NEDD4: variants seen among roughly 807,000 people sequenced by gnomAD.
NEDD4 encodes the protein E3 ubiquitin-protein ligase NEDD4.
A neutral mutation model predicts 144.9 loss-of-function variants in NEDD4; 99 were observed. That is an observed-to-expected ratio of 0.68 (90% CI 0.58 to 0.81). The LOEUF is 0.81. Among genes scored for constraint, NEDD4 ranks in the 30% least tolerant of loss-of-function variants. NEDD4 has a pLI of 0.00. For missense variants in NEDD4, 985 were observed against 1,065.9 expected (o/e 0.92, Z 1.06); for synonymous variants, 318 against 350.6 (o/e 0.91, Z 1.04).
At chr15:55,870,091 A>C (rs2034729029) in intron 7 of NEDD4, among the ~76,000 whole-genome samples, 1 of 152,110 alleles carries the variant, frequency 6.6e-6, no homozygotes, top group South Asian at 2.1e-4. Flanking sequence ...AATTAAGGAA[A>C]TTGCAGTAGT....
chr15:55,976,404 T>A (rs532680662), intron 1 of NEDD4, among the ~76,000 whole-genome samples: 1 of 152,210 alleles, frequency 6.6e-6, no homozygotes, highest in East Asian at 1.9e-4. Flanking sequence ...GATATTAAAA[T>A]GGGCAAAAGA....
chr15:55,971,433 T>C (rs7498073), intron 1 of NEDD4, among the ~76,000 whole-genome samples: 22,517 of 151,926 alleles, frequency 0.15, 1,805 homozygotes, highest in East Asian at 0.32. Flanking sequence ...GAGACTAGTC[T>C]GTCCAACATG....
At chr15:55,899,350 T>A (rs2035838572) in intron 5 of NEDD4, among the ~76,000 whole-genome samples, 1 of 152,240 alleles carries the variant, frequency 6.6e-6, no homozygotes, top group Admixed American at 6.5e-5. Flanking sequence ...TACAATTTGA[T>A]TACCTGGTTA....
intron 1 of NEDD4, among the ~76,000 whole-genome samples, chr15:55,983,966 G>A (rs1285940955): frequency 6.6e-6 from 1 of 152,046 alleles, no homozygotes; most frequent in Non-Finnish European, 1.5e-5. Context: ...ATAAAATATT[G>A]ATGTGTGATA....
intron 12 of NEDD4, among the ~76,000 whole-genome samples, chr15:55,852,951 T>G (rs1486466118): frequency 6.6e-6 from 1 of 151,986 alleles, no homozygotes; most frequent in East Asian, 1.9e-4. Context: ...GGTTTCACCA[T>G]ATTGGCCAGG....
intron 24 of NEDD4, among the ~76,000 whole-genome samples, chr15:55,835,428 T>G (rs2033149952): frequency 7.5e-6 from 1 of 133,982 alleles, no homozygotes; most frequent in South Asian, 2.8e-4. Flanking sequence ...CTGTTTTTTT[T>G]TTTTTTTTTT....
At chr15:55,920,702 T>G (rs2036552798) in intron 5 of NEDD4, among the ~76,000 whole-genome samples, 1 of 152,232 alleles carries the variant, frequency 6.6e-6, no homozygotes, top group African/African-American at 2.4e-5. Flanking sequence ...AAATGGTACA[T>G]TTTAAATTTA....
At chr15:55,989,748 G>T (rs1446079584) in intron 1 of NEDD4, among the ~76,000 whole-genome samples, 1 of 152,194 alleles carries the variant, frequency 6.6e-6, no homozygotes, top group African/African-American at 2.4e-5. Context: ...AGCTAATACA[G>T]GGGATTAGAT....
chr15:55,878,668 A>C (rs559466498), intron 5 of NEDD4, among the ~76,000 whole-genome samples: 1 of 152,362 alleles, frequency 6.6e-6, no homozygotes, highest in African/African-American at 2.4e-5. Context: ...ATGTTCACAG[A>C]ATTTCATTCA....
chr15:55,974,355 C>G (rs1429610315), intron 1 of NEDD4, among the ~76,000 whole-genome samples: 1 of 152,242 alleles, frequency 6.6e-6, no homozygotes, highest in Middle Eastern at 3.4e-3. Context: ...AGAATTAATA[C>G]CAATCCTACT....
intron 5 of NEDD4, among the ~76,000 whole-genome samples, chr15:55,880,607 C>T (rs2035152913): frequency 6.6e-6 from 1 of 151,984 alleles, no homozygotes; most frequent in Non-Finnish European, 1.5e-5. Flanking sequence ...ATATACTTCA[C>T]CAAAATGAGG....
intron 5 of NEDD4, among the ~76,000 whole-genome samples, chr15:55,911,810 G>A (rs534243965): frequency 6.6e-6 from 1 of 152,272 alleles, no homozygotes; most frequent in Non-Finnish European, 1.5e-5. Context: ...TTACAGGCGT[G>A]AGCCACCGCG....
chr15:55,889,043 A>G (rs2142114169), intron 5 of NEDD4, among the ~76,000 whole-genome samples: 1 of 152,332 alleles, frequency 6.6e-6, no homozygotes, highest in East Asian at 1.9e-4. Context: ...GAAGGCAAAG[A>G]TTTCTTCAGT....
intron 2 of NEDD4, among the ~76,000 whole-genome samples, chr15:55,959,510 G>A (rs1441352168): frequency 6.6e-6 from 1 of 152,162 alleles, no homozygotes; most frequent in Non-Finnish European, 1.5e-5. Flanking sequence ...CCAGACACTA[G>A]GGCAGCTCCT....
rs143495741 is a variant in NEDD4 at position 55,922,245 on chromosome 15, T to C, written c.291+2401A>G. 3.3e-5 allele frequency among the ~76,000 whole-genome samples: 5 copies of C among 152,340 alleles called. No homozygotes were observed. In the East Asian group the frequency reaches 9.6e-4, roughly 29 times the overall value. ...TCAGAATATAGAAAATTATGCATCA[T>C]TGAAATGTGTAATCACAGATCTCAC... is the stretch of plus-strand genomic sequence containing the variant. On this transcript the variant is annotated intron_variant, in intron 5 of 28. Coordinates refer to ENST00000435532, the MANE Select transcript of NEDD4 (RefSeq NM_006154.4).
chr15:55,968,997 G>T (rs1334942203), intron 1 of NEDD4, among the ~76,000 whole-genome samples: 4 of 152,182 alleles, frequency 2.6e-5, no homozygotes, highest in African/African-American at 4.8e-5. Context: ...ACAGTACCTA[G>T]TTTCAACATC....
intron 5 of NEDD4, among the ~76,000 whole-genome samples, chr15:55,904,940 A>G (rs2036037368): frequency 6.6e-6 from 1 of 151,988 alleles, no homozygotes; most frequent in South Asian, 2.1e-4. Flanking sequence ...TAAAAATACA[A>G]AATTAGCCGG....
chr15:55,827,262 GAT>G lies in NEDD4; in HGVS notation c.*2633_*2634del. 6.6e-6 allele frequency: 1 copy of G among 152,284 alleles called. No homozygotes were observed. The highest frequency in any genetic ancestry group is 2.1e-4 in the South Asian group (1 of 4,816). 9.4% of individuals were successfully genotyped at this position (152,284 alleles called of 1,614,324 possible). A position where few individuals can be genotyped will look rare whatever the true frequency, so the allele number is the denominator to read the frequency against. On this transcript the variant is annotated 3_prime_UTR_variant, in exon 29 of 29. Transcript: ENST00000435532. ...ATGCTTGTAATTTCTAGAAACATAT[GAT>G]GTCCTTGCTTTATGAAAATGATCCT... is the stretch of plus-strand genomic sequence containing the variant.
chr15:55,829,698 C>A lies in NEDD4; in HGVS notation c.*199G>T. 4 of 480,754 alleles carry A rather than the reference C, an allele frequency of 8.3e-6. No homozygotes were observed. The highest frequency in any genetic ancestry group is 7.3e-5 in the East Asian group (2 of 27,522). The allele number at this position is 480,754 out of a possible 1,614,324, so 29.8% of individuals were successfully genotyped here. On this transcript the variant is annotated 3_prime_UTR_variant, in exon 29 of 29. Transcript: ENST00000435532. ...TAACTCTAAAGACAGCATGAAACAA[C>A]TGTGTAAATGCAACACATTATTTAA...
Sources: gnomAD v4.1 joint callset for allele counts (sites outside exome capture counted in the v4.1 genomes callset) on GRCh38, gnomAD v4.1.1 for gene constraint, MANE v1.5 for transcripts, NCBI Gene and HGNC (gene_info 2026-07-23, HGNC 2026-07-21) for gene names.